ATG101: variants seen among roughly 807,000 people sequenced by gnomAD.
ATG101 encodes the protein autophagy-related protein 101.
In ATG101, 6 loss-of-function variants were observed where a neutral mutation model predicts 16.7. That is an observed-to-expected ratio of 0.36 (90% CI 0.20 to 0.71). The LOEUF is 0.71. Among genes scored for constraint, ATG101 ranks in the 30% least tolerant of loss-of-function variants. ATG101 has a pLI of 0.57. For synonymous variants in ATG101, 108 were observed against 118.1 expected (o/e 0.91, Z 0.56); for missense variants, 200 against 292.5 (o/e 0.68, Z 2.31).
intron 3 of ATG101, among the ~76,000 whole-genome samples, chr12:52,074,168 C>T (rs1038888390): frequency 2.6e-5 from 4 of 152,212 alleles, no homozygotes; most frequent in African/African-American, 4.8e-5. Flanking sequence ...GCAGTGTTGG[C>T]GGCCAGGTCC....
chr12:52,071,113 A>C (rs1317691695), intron 2 of ATG101: 1 of 152,218 alleles, frequency 6.6e-6, no homozygotes, highest in Non-Finnish European at 1.5e-5. Context: ...ACAAAAACAA[A>C]ACGTGATGGT....
chr12:52,071,999 G>GAAC (rs1392759149), intron 2 of ATG101, among the ~76,000 whole-genome samples: 9 of 152,148 alleles, frequency 5.9e-5, no homozygotes, highest in African/African-American at 1.9e-4. Flanking sequence ...CAAGTCTCTT[G>GAAC]TTCTCTCCTT....
chr12:52,068,504 C>T (rs1219680592), upstream of ATG101, among the ~76,000 whole-genome samples: 1 of 152,066 alleles, frequency 6.6e-6, no homozygotes, highest in African/African-American at 2.4e-5. Context: ...CAGGGGTACA[C>T]CAACACGCCC....
chr12:52,076,864 C>T lies in ATG101; in HGVS notation c.331C>T (p.Pro111Ser). 1 of 1,614,150 alleles carries T rather than the reference C, an allele frequency of 6.2e-7. No homozygotes were observed. The highest frequency in any genetic ancestry group is 8.5e-7 in the Non-Finnish European group (1 of 1,180,028). The change falls in exon 4 of 4, where the codon CCA (proline) becomes TCA (serine). Residue 111 changes from proline (P) to serine (S), a missense_variant. By Grantham distance (74) the Pro-to-Ser change is moderately conservative. Transcript: ENST00000336854. ...CTACCAGAAGAAGAAGTCTCGCTGGCCATTCTCAGACGAGTGCATCCCATG... is the reference window on the plus strand; with the variant it reads ...CTACCAGAAGAAGAAGTCTCGCTGGTCATTCTCAGACGAGTGCATCCCATG... ...EFYQKKKSRW[P>S]FSDECIPWEV...
At chr12:52,067,676 C>T (rs577629372), upstream of ATG101, among the ~76,000 whole-genome samples, 8 of 152,134 alleles carry the variant, frequency 5.3e-5, no homozygotes, top group African/African-American at 1.9e-4. Context: ...CAACCTCTGC[C>T]TCCCCGGTTC....
rs747291306 is a variant in ATG101 at position 52,076,887 on chromosome 12, A to G, written c.354A>G (p.Pro118=). ...GGCCATTCTCAGACGAGTGCATCCC[A>G]TGGGAAGTGTGGACGGTCAAGGTGC... ...SRWPFSDECI[P]WEVWTVKVHV... is the part of the protein sequence containing the mutation. The change falls in exon 4 of 4, where the codon CCA becomes CCG. Residue 118 remains proline, a synonymous_variant. Coordinates refer to ENST00000336854, the MANE Select transcript of ATG101 (RefSeq NM_021934.5). 4.3e-6 allele frequency: 7 copies of G among 1,614,078 alleles called. No homozygotes were observed. The highest frequency in any genetic ancestry group is 2.2e-5 in the East Asian group (1 of 44,894).
chr12:52,067,274 T>C (rs1207609135), upstream of ATG101, among the ~76,000 whole-genome samples: 3 of 152,228 alleles, frequency 2.0e-5, no homozygotes, highest in Non-Finnish European at 2.9e-5. Context: ...ACGATCAAGA[T>C]GCAATCATCC....
At position 52,073,767 on chromosome 12, in the gene ATG101, C is replaced by T. The variant is rs750462141; in HGVS notation, c.117C>T (p.Tyr39=). ...LLHRSTGKFH[Y]KKEGTYSIGT... ...ACCGCAGCACAGGCAAGTTCCACTA[C>T]AAGAAGGAGGGCACCTACTCCATTG... Residue 39 remains tyrosine (Y), a synonymous_variant, in exon 3 of 4, where the codon TAC becomes TAT. Transcript: ENST00000336854. 2 of 1,614,218 alleles carry T rather than the reference C, an allele frequency of 1.2e-6. No homozygotes were observed. Among genetic ancestry groups the T allele is most frequent in the Admixed American group, 1.7e-5 (1 of 60,034 alleles).
chr12:52,070,063 T>G lies in ATG101; in HGVS notation c.-386T>G, dbSNP rs183309381. ...CTGAGAGGCTGGTCGTGGACTGTGG[T>G]TGGGGGAGGTGGGAGCTGTTTTAAC... On this transcript the variant is annotated 5_prime_UTR_variant, in exon 1 of 4. Coordinates refer to ENST00000336854, the MANE Select transcript of ATG101 (RefSeq NM_021934.5). The G allele has an allele frequency of 6.6e-6, 1 of 151,828 alleles. No homozygotes were observed. The highest frequency in any genetic ancestry group is 2.4e-5 in the African/African-American group (1 of 41,254). 9.4% of individuals were successfully genotyped at this position (151,828 alleles called of 1,614,324 possible).
rs1226746483 is a variant in ATG101, at chr12:52,073,764, C to T, written c.114C>T (p.His38=). ...VLLHRSTGKF[H]YKKEGTYSIG... ...TGCACCGCAGCACAGGCAAGTTCCACTACAAGAAGGAGGGCACCTACTCCA... is the reference window on the plus strand; with the variant it reads ...TGCACCGCAGCACAGGCAAGTTCCATTACAAGAAGGAGGGCACCTACTCCA... The change falls in exon 3 of 4, where the codon CAC becomes CAT. Residue 38 remains histidine, a synonymous_variant. Coordinates refer to ENST00000336854, the MANE Select transcript of ATG101 (RefSeq NM_021934.5). 8 of 1,614,238 alleles carry T rather than the reference C, an allele frequency of 5.0e-6. No individual in the cohort carries two copies. The highest frequency in any genetic ancestry group is 5.9e-6 in the Non-Finnish European group (7 of 1,180,034).
rs533328291 is a variant in ATG101, at chr12:52,073,665, G to A, written c.15G>A (p.Ser5=). Reference sequence around the variant, plus strand: ...CTGGGTGCAGGATGAACTGTCGCTCGGAGGTGCTGGAGGTGTCGGTGGAGG... The same window carrying A: ...CTGGGTGCAGGATGAACTGTCGCTCAGAGGTGCTGGAGGTGTCGGTGGAGG... MNCR[S]EVLEVSVEGR... The change falls in exon 3 of 4, where the codon TCG becomes TCA. Residue 5 remains serine (S), a synonymous_variant. Transcript: ENST00000336854. The A allele has an allele frequency of 1.2e-5, 20 of 1,613,398 alleles. No homozygotes were observed. The South Asian group carries it at 1.5e-4, about 12-fold the overall frequency.
At position 52,073,602 on chromosome 12, in the gene ATG101, CCT is replaced by C; in HGVS notation, c.-48_-47del. Reference sequence around the variant, plus strand: ...TGGCCCTTGGGTAGGGTGAAGATCCCCTGTCTTTATCCTAGTTCCACACCTTG... The same window carrying C: ...TGGCCCTTGGGTAGGGTGAAGATCCCGTCTTTATCCTAGTTCCACACCTTG... On this transcript the variant is annotated 5_prime_UTR_variant, in exon 3 of 4. Transcript: ENST00000336854. The C allele has an allele frequency of 6.3e-7, 1 of 1,587,712 alleles. No homozygotes were observed. Among genetic ancestry groups the C allele is most frequent in the Non-Finnish European group, 8.6e-7 (1 of 1,163,180 alleles).
At chr12:52,065,727 C>T (rs770488426), upstream of ATG101, among the ~76,000 whole-genome samples, 32 of 152,182 alleles carry the variant, frequency 2.1e-4, no homozygotes, top group Non-Finnish European at 3.4e-4. Context: ...TGGGTGAAAA[C>T]ACTGGTGGAA....
rs1939748202 is a variant in ATG101 at position 52,077,252 on chromosome 12, CT to C, written c.*66del. 2 of 1,548,214 alleles carry C rather than the reference CT, an allele frequency of 1.3e-6. No individual in the cohort carries two copies. The highest frequency in any genetic ancestry group is 1.4e-5 in the African/African-American group (1 of 73,140). On this transcript the variant is annotated 3_prime_UTR_variant, in exon 4 of 4. Coordinates refer to ENST00000336854, the MANE Select transcript of ATG101 (RefSeq NM_021934.5). ...CAGACCTTGGCTTTTGGGAATTGCA[CT>C]TTTGGGCCTTTGGGCTCTGGAACCT...
upstream of ATG101, among the ~76,000 whole-genome samples, chr12:52,067,702 C>T (rs1190280007): frequency 6.6e-6 from 1 of 151,904 alleles, no homozygotes; most frequent in Non-Finnish European, 1.5e-5. Context: ...ATTCTCCTGA[C>T]TCAGCCTCCG....
At chr12:52,067,100 A>G (rs1939558774), upstream of ATG101, among the ~76,000 whole-genome samples, 1 of 152,124 alleles carries the variant, frequency 6.6e-6, no homozygotes, top group African/African-American at 2.4e-5. Context: ...GGAGGAAGGG[A>G]AGAGGATAGG....
upstream of ATG101, among the ~76,000 whole-genome samples, chr12:52,067,216 G>A (rs1397775973): frequency 5.9e-5 from 9 of 152,236 alleles, no homozygotes; most frequent in Admixed American, 4.6e-4. Context: ...TGACAGTGGT[G>A]TGCTGGAGCC....
intron 2 of ATG101, chr12:52,070,808 A>C (rs1437916045): frequency 6.6e-6 from 1 of 152,296 alleles, no homozygotes; most frequent in Non-Finnish European, 1.5e-5. Flanking sequence ...CACAAGAGGG[A>C]GAAGTCGTGG....
At chr12:52,070,999 C>T (rs1395792830) in intron 2 of ATG101, 3 of 152,184 alleles carry the variant, frequency 2.0e-5, no homozygotes, top group Non-Finnish European at 2.9e-5. Context: ...CTCAATTGAG[C>T]AGTTGTTTTG....
Sources: gnomAD v4.1 joint callset for allele counts (sites outside exome capture counted in the v4.1 genomes callset) on GRCh38, gnomAD v4.1.1 for gene constraint, MANE v1.5 for transcripts, NCBI Gene and HGNC (gene_info 2026-07-23, HGNC 2026-07-21) for gene names.